SGIP1: variants seen among roughly 807,000 people sequenced by gnomAD.
SGIP1 encodes the protein SH3GL interacting endocytic adaptor 1.
In SGIP1, 38 loss-of-function variants were observed where a neutral mutation model predicts 107.5. That is an observed-to-expected ratio of 0.35 (90% CI 0.27 to 0.46). The LOEUF is 0.46. Ranked by LOEUF, SGIP1 falls within the 20% of genes least tolerant of loss-of-function variation. The pLI, the probability that SGIP1 is intolerant of heterozygous loss-of-function variation, is 1.00. For synonymous variants in SGIP1, 365 were observed against 366.1 expected (o/e 1.00, Z 0.03); for missense variants, 929 against 1,019.5 (o/e 0.91, Z 1.21).
At chr1:66,709,182 GC>G (rs1408388158) in intron 18 of SGIP1, among the ~76,000 whole-genome samples, 3 of 68,098 alleles carry the variant, frequency 4.4e-5, no homozygotes, top group East Asian at 7.6e-4. Flanking sequence ...CCCTCCCCCA[GC>G]CCCCCACCCC....
At chr1:66,657,433 C>T (rs764312670) in intron 7 of SGIP1, among the ~76,000 whole-genome samples, 11 of 152,290 alleles carry the variant, frequency 7.2e-5, no homozygotes, top group Non-Finnish European at 1.6e-4. Flanking sequence ...TTTATATTTT[C>T]TTCATTCACC....
chr1:66,639,480 CT>C (rs1445255305), intron 4 of SGIP1, among the ~76,000 whole-genome samples: 1 of 152,190 alleles, frequency 6.6e-6, no homozygotes, highest in East Asian at 1.9e-4. Context: ...AATAAAGGTG[CT>C]GCTAATTCTT....
At position 66,679,846 on chromosome 1, in the gene SGIP1, A is replaced by T. The variant is rs576222567; in HGVS notation, c.814+94A>T. 8 of 1,122,560 alleles carry T rather than the reference A, an allele frequency of 7.1e-6. No individual in the cohort carries two copies. In the African/African-American group the frequency reaches 1.1e-4, roughly 16 times the overall value. The allele number at this position is 1,122,560 out of a possible 1,614,324, so 69.5% of individuals were successfully genotyped here. A position where few individuals can be genotyped will look rare whatever the true frequency, so the allele number is the denominator to read the frequency against. Reference sequence around the variant, plus strand: ...CTTGATGTGTTGAAAACTGTAGGCTACACAAAAACATCACAATGTTGGCAT... The same window carrying T: ...CTTGATGTGTTGAAAACTGTAGGCTTCACAAAAACATCACAATGTTGGCAT... On this transcript the variant is annotated intron_variant, in intron 14 of 24. Transcript: ENST00000371037.
chr1:66,575,794 G>T (rs2060978469), intron 1 of SGIP1, among the ~76,000 whole-genome samples: 1 of 152,168 alleles, frequency 6.6e-6, no homozygotes, highest in Admixed American at 6.5e-5. Flanking sequence ...TAAATAAAAT[G>T]TGTGGTGTGT....
rs2094424125 is a variant in SGIP1 at position 66,740,779 on chromosome 1, A to G, written c.2299+57A>G. The G allele has an allele frequency of 6.0e-6, 7 of 1,168,432 alleles. No homozygotes were observed. In the East Asian group the frequency reaches 7.1e-5, roughly 12 times the overall value. The allele number at this position is 1,168,432 out of a possible 1,614,324, so 72.4% of individuals were successfully genotyped here. On this transcript the variant is annotated intron_variant, in intron 23 of 24. Transcript: ENST00000371037. ...ATGTAAAGCTAAAATGGCTTTAGGTATTTGCCAACTATTACCCAAAACATG... is the reference window on the plus strand; with the variant it reads ...ATGTAAAGCTAAAATGGCTTTAGGTGTTTGCCAACTATTACCCAAAACATG...
intron 5 of SGIP1, among the ~76,000 whole-genome samples, chr1:66,640,524 G>C (rs1260156162): frequency 6.6e-6 from 1 of 152,112 alleles, no homozygotes; most frequent in Non-Finnish European, 1.5e-5. Flanking sequence ...TGCAGGCAGG[G>C]GGAACAGAGT....
intron 1 of SGIP1, among the ~76,000 whole-genome samples, chr1:66,577,157 T>G (rs1038865585): frequency 1.3e-5 from 2 of 152,192 alleles, no homozygotes; most frequent in African/African-American, 4.8e-5. Context: ...TTCTCTTATC[T>G]CTGCCTGTTA....
intron 1 of SGIP1, among the ~76,000 whole-genome samples, chr1:66,552,738 T>G (rs1314824637): frequency 6.6e-6 from 1 of 152,170 alleles, no homozygotes; most frequent in Non-Finnish European, 1.5e-5. Flanking sequence ...ATAAAGTACA[T>G]AGCTTAGTGG....
chr1:66,684,415 C>T (rs895778638), intron 15 of SGIP1, among the ~76,000 whole-genome samples: 2 of 152,158 alleles, frequency 1.3e-5, no homozygotes, highest in Non-Finnish European at 2.9e-5. Context: ...TCTTTCAGGT[C>T]TTTGAGGGGA....
At chr1:66,552,373 CCTTT>C (rs1486530000) in intron 1 of SGIP1, among the ~76,000 whole-genome samples, 2 of 152,116 alleles carry the variant, frequency 1.3e-5, no homozygotes, top group Non-Finnish European at 2.9e-5. Context: ...TTCCACCTCA[CCTTT>C]CTTTTCTGCA....
At chr1:66,613,436 A>G (rs1048026121) in intron 1 of SGIP1, among the ~76,000 whole-genome samples, 1 of 151,924 alleles carries the variant, frequency 6.6e-6, no homozygotes. Context: ...CTCAAGGAAT[A>G]CTCCCACCTC....
chr1:66,641,412 T>G (rs1449626541), intron 5 of SGIP1, among the ~76,000 whole-genome samples: 1 of 152,082 alleles, frequency 6.6e-6, no homozygotes, highest in African/African-American at 2.4e-5. Context: ...CTTTATTAAC[T>G]CCCAAAACTA....
At chr1:66,694,568 T>C in intron 17 of SGIP1, 1 of 1,348,984 alleles carries the variant, frequency 7.4e-7, no homozygotes, top group Non-Finnish European at 1.0e-6. Flanking sequence ...ATTATCCATC[T>C]GAATGCTATA....
intron 18 of SGIP1, among the ~76,000 whole-genome samples, chr1:66,716,969 C>T (rs72920363): frequency 0.012 from 1,853 of 151,930 alleles, 40 homozygotes; most frequent in African/African-American, 0.043. Flanking sequence ...CAGTTCCACA[C>T]GTACATAGAA....
chr1:66,692,794 AC>A (rs2090147374), intron 17 of SGIP1, among the ~76,000 whole-genome samples: 1 of 152,194 alleles, frequency 6.6e-6, no homozygotes, highest in Admixed American at 6.5e-5. Flanking sequence ...GCAAGTCTAA[AC>A]CTTCTACACA....
At chr1:66,726,608 AC>A (rs767802503) in intron 19 of SGIP1, among the ~76,000 whole-genome samples, 110 of 152,334 alleles carry the variant, frequency 7.2e-4, no homozygotes, top group Non-Finnish European at 1.2e-3. Context: ...TTAGATTTCA[AC>A]AAAATTTTCA....
chr1:66,610,579 A>T (rs1232233484), intron 1 of SGIP1, among the ~76,000 whole-genome samples: 1 of 152,188 alleles, frequency 6.6e-6, no homozygotes, highest in East Asian at 1.9e-4. Flanking sequence ...AACTGATTAA[A>T]AGTCACCATA....
intron 21 of SGIP1, among the ~76,000 whole-genome samples, chr1:66,737,711 A>G (rs945794957): frequency 6.6e-6 from 1 of 152,196 alleles, no homozygotes; most frequent in South Asian, 2.1e-4. Context: ...ATAATAGCCT[A>G]ATATATTCCA....
chr1:66,737,162 G>A (rs1033887986), intron 21 of SGIP1, among the ~76,000 whole-genome samples: 2 of 152,070 alleles, frequency 1.3e-5, no homozygotes, highest in African/African-American at 2.4e-5. Context: ...GTTAAATTTC[G>A]AGGCAGAAGT....
Sources: allele counts gnomAD v4.1 joint callset (sites outside exome capture counted in the v4.1 genomes callset), GRCh38; gene constraint gnomAD v4.1.1; transcripts MANE v1.5; gene names NCBI Gene and HGNC (gene_info 2026-07-23, HGNC 2026-07-21).